The following NXPH1 variants were observed in gnomAD, a reference collection of about 807,000 sequenced individuals.
The protein encoded by NXPH1 is neurexophilin-1.
In NXPH1, 5 loss-of-function variants were observed where a neutral mutation model predicts 23.7. The observed-to-expected ratio is 0.21, with a 90% CI of 0.11 to 0.44. NXPH1 has a LOEUF of 0.44. NXPH1 is among the 20% of genes least tolerant of loss of function. The probability of loss-of-function intolerance (pLI) is 0.99; values close to 1 mark genes in which losing one functional copy is unlikely to be tolerated. For synonymous variants in NXPH1, 144 were observed against 122.2 expected (o/e 1.18, Z -1.18); for missense variants, 324 against 321.6 (o/e 1.01, Z -0.06).
intron 2 of NXPH1, among the ~76,000 whole-genome samples, chr7:8,440,126 G>A (rs1237942811): frequency 6.6e-6 from 1 of 152,102 alleles, no homozygotes. Flanking sequence ...TTTTTGGAAG[G>A]CCCTCTACCC....
chr7:8,483,495 G>A (rs962992325), intron 2 of NXPH1, among the ~76,000 whole-genome samples: 1 of 151,984 alleles, frequency 6.6e-6, no homozygotes, highest in Admixed American at 6.6e-5. Flanking sequence ...TTTCTGTAGA[G>A]ACTGGGTTTC....
chr7:8,663,949 T>G (rs1299380544), intron 2 of NXPH1, among the ~76,000 whole-genome samples: 4 of 152,108 alleles, frequency 2.6e-5, no homozygotes, highest in African/African-American at 9.6e-5. Flanking sequence ...GCTTTAACTT[T>G]CCATCCGTAA....
At chr7:8,671,620 A>T (rs1820870405) in intron 2 of NXPH1, among the ~76,000 whole-genome samples, 1 of 151,850 alleles carries the variant, frequency 6.6e-6, no homozygotes, top group Non-Finnish European at 1.5e-5. Flanking sequence ...ATGGTTTTTG[A>T]GGTCATTTTA....
chr7:8,544,149 C>T (rs1414080387), intron 2 of NXPH1, among the ~76,000 whole-genome samples: 2 of 151,660 alleles, frequency 1.3e-5, no homozygotes, highest in African/African-American at 4.8e-5. Flanking sequence ...AAGATTCAAA[C>T]ATGCATTTGT....
At position 8,613,266 on chromosome 7, in the gene NXPH1, A is replaced by G. The variant is rs1293926368; in HGVS notation, c.55-137742A>G. 2.6e-5 allele frequency among the ~76,000 whole-genome samples: 4 copies of G among 151,986 alleles called. No individual in the cohort carries two copies. The East Asian group carries it at 7.7e-4, about 29-fold the overall frequency. On this transcript the variant is annotated intron_variant, in intron 2 of 2. Transcript: ENST00000405863. ...CTTTTAGCCAGAAAAGCTCCATTTT[A>G]AATGCTAGCAAATCCAGTAACTCAA...
intron 2 of NXPH1, among the ~76,000 whole-genome samples, chr7:8,527,427 G>T (rs566162855): frequency 6.6e-6 from 1 of 152,236 alleles, no homozygotes; most frequent in Admixed American, 6.5e-5. Flanking sequence ...TCATTTTCCA[G>T]CTGCAACATT....
At chr7:8,599,998 T>C (rs1819321126) in intron 2 of NXPH1, among the ~76,000 whole-genome samples, 1 of 152,132 alleles carries the variant, frequency 6.6e-6, no homozygotes, top group African/African-American at 2.4e-5. Context: ...GAGAATTATC[T>C]GAAGACAGTA....
chr7:8,723,537 C>A (rs1030525143), intron 2 of NXPH1, among the ~76,000 whole-genome samples: 1 of 152,266 alleles, frequency 6.6e-6, no homozygotes, highest in Admixed American at 6.5e-5. Flanking sequence ...TTTGGTATAA[C>A]ATTTTTGGTT....
intron 2 of NXPH1, among the ~76,000 whole-genome samples, chr7:8,710,467 A>C (rs1278608426): frequency 6.6e-6 from 1 of 152,116 alleles, no homozygotes; most frequent in Non-Finnish European, 1.5e-5. Context: ...TTTACATTTT[A>C]AAGAAGCATT....
chr7:8,618,625 A>G (rs575938888), intron 2 of NXPH1, among the ~76,000 whole-genome samples: 1 of 152,302 alleles, frequency 6.6e-6, no homozygotes, highest in Admixed American at 6.5e-5. Flanking sequence ...TTTCACTTGC[A>G]AACTAGGAGA....
At chr7:8,636,453 A>T (rs1820220017) in intron 2 of NXPH1, among the ~76,000 whole-genome samples, 1 of 152,244 alleles carries the variant, frequency 6.6e-6, no homozygotes, top group African/African-American at 2.4e-5. Flanking sequence ...TAGGTAAAAG[A>T]ACTAGCAGCA....
intron 2 of NXPH1, among the ~76,000 whole-genome samples, chr7:8,661,924 C>G (rs920350808): frequency 2.7e-5 from 4 of 149,710 alleles, no homozygotes; most frequent in Non-Finnish European, 1.5e-5. Flanking sequence ...TATCAAGTAT[C>G]CCCCCCAAAA....
chr7:8,664,971 G>A (rs985467292), intron 2 of NXPH1, among the ~76,000 whole-genome samples: 21 of 151,756 alleles, frequency 1.4e-4, no homozygotes, highest in Admixed American at 4.6e-4. Flanking sequence ...CATTCCATAG[G>A]TTATCTCTTC....
At chr7:8,741,454 G>A (rs6974252) in intron 2 of NXPH1, among the ~76,000 whole-genome samples, 25,484 of 152,012 alleles carry the variant, frequency 0.17, 2,206 homozygotes, top group Admixed American at 0.22. Flanking sequence ...TCTATTTGTA[G>A]TTGTAGTTTT....
At chr7:8,559,391 G>C (rs1173812366) in intron 2 of NXPH1, among the ~76,000 whole-genome samples, 1 of 151,660 alleles carries the variant, frequency 6.6e-6, no homozygotes, top group Non-Finnish European at 1.5e-5. Context: ...CCTTAAATTG[G>C]TAAGACATGC....
chr7:8,509,416 A>G (rs966633631), intron 2 of NXPH1, among the ~76,000 whole-genome samples: 1 of 152,148 alleles, frequency 6.6e-6, no homozygotes, highest in Non-Finnish European at 1.5e-5. Flanking sequence ...GTGCCCTGTC[A>G]TAGAGAGTAA....
chr7:8,672,837 T>C (rs150421091), intron 2 of NXPH1, among the ~76,000 whole-genome samples: 114 of 152,302 alleles, frequency 7.5e-4, no homozygotes, highest in African/African-American at 2.6e-3. Flanking sequence ...TGCCATCTCT[T>C]TCCTCATTAC....
intron 2 of NXPH1, among the ~76,000 whole-genome samples, chr7:8,636,727 C>T (rs183581179): frequency 5.3e-5 from 8 of 152,316 alleles, no homozygotes; most frequent in South Asian, 2.1e-4. Context: ...ACGTATTCCA[C>T]GTCTGGCTTA....
chr7:8,705,161 A>G (rs755188438), intron 2 of NXPH1, among the ~76,000 whole-genome samples: 1 of 152,156 alleles, frequency 6.6e-6, no homozygotes, highest in Non-Finnish European at 1.5e-5. Flanking sequence ...AAAATTGTAG[A>G]CTGCACTCAC....
Sources: gnomAD v4.1 joint callset for allele counts (sites outside exome capture counted in the v4.1 genomes callset) on GRCh38, gnomAD v4.1.1 for gene constraint, MANE v1.5 for transcripts, NCBI Gene and HGNC (gene_info 2026-07-23, HGNC 2026-07-21) for gene names.